Variants in COLEC12 observed in about 807,000 individuals in gnomAD.
COLEC12 encodes the protein collectin subfamily member 12, also known as collectin-12.
COLEC12 carries 33 observed loss-of-function variants against 71.1 expected under a neutral mutation model. The ratio of observed to expected loss-of-function variants is 0.46; its 90% CI spans 0.35 to 0.62. The LOEUF (loss-of-function observed/expected upper bound fraction) is 0.62, where lower values mean the gene tolerates loss of function less well. Among genes scored for constraint, COLEC12 ranks in the 20% least tolerant of loss-of-function variants. COLEC12 has a pLI of 0.00. For missense variants in COLEC12, 765 were observed against 916.1 expected, an observed-to-expected ratio of 0.84 and a Z score of 2.13; for synonymous variants, 350 against 353.0, an observed-to-expected ratio of 0.99 and a Z score of 0.10.
rs140554322 is a variant in COLEC12, at chr18:426,784, T to A, written c.58+53923A>T. On this transcript the variant is annotated intron_variant, in intron 2 of 9. Coordinates refer to ENST00000400256, the MANE Select transcript of COLEC12 (RefSeq NM_130386.3). ...TACGTGCATTTATTTCTTTCAACAA[T>A]CATAAGGCAAGCACTCTTGTAGCCA... 2.3e-3 allele frequency among the ~76,000 whole-genome samples: 343 copies of A among 152,238 alleles called. 1 individual carries two copies. Among genetic ancestry groups the A allele is most frequent in the African/African-American group, 6.5e-3 (269 of 41,544 alleles).
chr18:382,981 T>C (rs1411889684), intron 2 of COLEC12, among the ~76,000 whole-genome samples: 1 of 152,188 alleles, frequency 6.6e-6, no homozygotes, highest in Non-Finnish European at 1.5e-5. Flanking sequence ...AATGATTTTT[T>C]GGGGTGTCAT....
intron 2 of COLEC12, among the ~76,000 whole-genome samples, chr18:479,938 C>T (rs1341450415): frequency 6.6e-6 from 1 of 152,252 alleles, no homozygotes; most frequent in Non-Finnish European, 1.5e-5. Flanking sequence ...CCTCCTGAGG[C>T]TCTGAAGGAA....
intron 2 of COLEC12, among the ~76,000 whole-genome samples, chr18:440,560 A>G (rs562056164): frequency 1.7e-3 from 260 of 152,338 alleles, no homozygotes; most frequent in African/African-American, 5.9e-3. Context: ...TTTGGAGAAT[A>G]GCACATATAG....
At chr18:352,919 A>G (rs1211748456) in intron 3 of COLEC12, among the ~76,000 whole-genome samples, 2 of 152,222 alleles carry the variant, frequency 1.3e-5, no homozygotes, top group East Asian at 3.8e-4. Flanking sequence ...GGTGACCAGC[A>G]GTCTGGTTTC....
At chr18:403,783 C>G (rs991582559) in intron 2 of COLEC12, among the ~76,000 whole-genome samples, 1 of 151,604 alleles carries the variant, frequency 6.6e-6, no homozygotes, top group Non-Finnish European at 1.5e-5. Context: ...TACAATATCT[C>G]CATAGCCAAT....
chr18:324,465 G>A (rs1416092828), intron 8 of COLEC12, among the ~76,000 whole-genome samples: 2 of 151,114 alleles, frequency 1.3e-5, no homozygotes, highest in Non-Finnish European at 2.9e-5. Context: ...TGCTTGGACT[G>A]ATTGCTCCAG....
In COLEC12 at chr18:500,373, G is replaced by A. The variant is rs1036450795; in HGVS notation, c.7+135C>T. 3 of 559,126 alleles carry A rather than the reference G, an allele frequency of 5.4e-6. No individual in the cohort carries two copies. The highest frequency in any genetic ancestry group is 7.9e-6 in the Non-Finnish European group (3 of 381,326). The allele number at this position is 559,126 out of a possible 1,614,324, so 34.6% of individuals were successfully genotyped here. On this transcript the variant is annotated intron_variant, in intron 1 of 9. Transcript: ENST00000400256. The surrounding 1 kb of genome is among the most constrained non-coding windows in gnomAD (Gnocchi z 5.3). ...GCCCCCAGTGTCCGCGCACGAACCC[G>A]GCGCCCTGGCAGCCCCGACTCCCCG...
In COLEC12 at chr18:318,647, T is replaced by G. The variant is rs537246082; in HGVS notation, c.*1398A>C. The G allele has an allele frequency of 1.3e-5, 2 of 151,990 alleles. No individual in the cohort carries two copies. Among genetic ancestry groups the G allele is most frequent in the East Asian group, 3.9e-4 (2 of 5,128 alleles). The allele number at this position is 151,990 out of a possible 1,614,324, so 9.4% of individuals were successfully genotyped here. A position where few individuals can be genotyped will look rare whatever the true frequency, so the allele number is the denominator to read the frequency against. On this transcript the variant is annotated 3_prime_UTR_variant, in exon 10 of 10. Coordinates refer to ENST00000400256, the MANE Select transcript of COLEC12 (RefSeq NM_130386.3). ...AGCTGGGATTACAGGCATGTGCCAC[T>G]ACACCCGGCTAATTTTCTTATTTTT...
At position 331,719 on chromosome 18, in the gene COLEC12, G is replaced by A. The variant is rs755512262; in HGVS notation, c.2012C>T (p.Ser671Leu). The A allele has an allele frequency of 1.9e-6, 3 of 1,614,056 alleles. No homozygotes were observed. In the South Asian group the frequency reaches 3.3e-5, roughly 18 times the overall value. Residue 671 changes from serine to leucine, a missense_variant, in exon 8 of 10, where the codon TCA becomes TTA. By Grantham distance (145) the Ser-to-Leu change is moderately radical. Coordinates refer to ENST00000400256, the MANE Select transcript of COLEC12 (RefSeq NM_130386.3). Reference sequence around the variant, plus strand: ...CCACTTCCATTCATTTTCACGCTCTGAGTCTGTGAGGCCGATCCAGTGGCT... The same window carrying A: ...CCACTTCCATTCATTTTCACGCTCTAAGTCTGTGAGGCCGATCCAGTGGCT... ...RESHWIGLTD[S>L]ERENEWKWLD... is the part of the protein sequence containing the mutation.
chr18:356,325 C>T (rs1914627809), intron 3 of COLEC12, among the ~76,000 whole-genome samples: 1 of 152,122 alleles, frequency 6.6e-6, no homozygotes, highest in Admixed American at 6.5e-5. Flanking sequence ...GGTATGGAGC[C>T]ATGCAGAAGA....
Position 408,247 on chromosome 18 carries a change from ATGATACC to A in COLEC12, c.59-50732_59-50726del, listed in dbSNP as rs1915826919. On this transcript the variant is annotated intron_variant, in intron 2 of 9. Transcript: ENST00000400256. The surrounding 1 kb of genome is among the most constrained non-coding windows in gnomAD (Gnocchi z 4.3). The stretch of plus-strand genomic sequence containing the variant: ...GTTCCTAATTGGGAAACTAGGTACA[ATGATACC>A]TGAGAAAACGTTATTAAAAGGTCAG... Among the ~76,000 whole-genome samples, 5 of 152,188 alleles carry A rather than the reference ATGATACC, an allele frequency of 3.3e-5. No homozygotes were observed. The highest frequency in any genetic ancestry group is 1.2e-4 in the African/African-American group (5 of 41,444).
intron 2 of COLEC12, among the ~76,000 whole-genome samples, chr18:405,506 T>G (rs945692887): frequency 6.6e-6 from 1 of 152,136 alleles, no homozygotes; most frequent in Non-Finnish European, 1.5e-5. Flanking sequence ...AAAATTCCTC[T>G]CTTTGTACTG....
rs1410724718 is a variant in COLEC12, at chr18:408,635, A to G, written c.59-51113T>C. ...GGAAAAAAAAAAAAGACAGGAAAAT[A>G]AAAGCATGGGAGGAAAAAGATTTAA... is the stretch of plus-strand genomic sequence containing the variant. On this transcript the variant is annotated intron_variant, in intron 2 of 9. Coordinates refer to ENST00000400256, the MANE Select transcript of COLEC12 (RefSeq NM_130386.3). The surrounding 1 kb of genome is among the most constrained non-coding windows in gnomAD (Gnocchi z 4.3). 2.0e-5 allele frequency among the ~76,000 whole-genome samples: 3 copies of G among 152,114 alleles called. No homozygotes were observed. Among genetic ancestry groups the G allele is most frequent in the Admixed American group, 1.3e-4 (2 of 15,280 alleles).
At chr18:405,463 G>A (rs113477085) in intron 2 of COLEC12, among the ~76,000 whole-genome samples, 1,742 of 152,188 alleles carry the variant, frequency 0.011, 39 homozygotes, top group African/African-American at 0.04. Flanking sequence ...CAATCCTACC[G>A]ATATGTGATG....
chr18:422,840 C>A (rs1424100074), intron 2 of COLEC12, among the ~76,000 whole-genome samples: 1 of 152,146 alleles, frequency 6.6e-6, no homozygotes, highest in African/African-American at 2.4e-5. Context: ...TATACTAATG[C>A]TCTCTTTAAA....
intron 5 of COLEC12, among the ~76,000 whole-genome samples, chr18:337,117 C>T (rs554291828): frequency 1.3e-4 from 20 of 152,196 alleles, no homozygotes; most frequent in African/African-American, 4.8e-4. Flanking sequence ...GCGATCCTCC[C>T]CCATCGGACT....
At chr18:332,951 G>C in intron 7 of COLEC12, 56 bp downstream of exon 7, 1 of 1,457,356 alleles carries the variant, frequency 6.9e-7, no homozygotes, top group Non-Finnish European at 9.2e-7. Context: ...GCAATTTCCA[G>C]ATGTAAACTA....
At chr18:455,112 A>C (rs1254551504) in intron 2 of COLEC12, among the ~76,000 whole-genome samples, 1 of 152,188 alleles carries the variant, frequency 6.6e-6, no homozygotes, top group African/African-American at 2.4e-5. Flanking sequence ...CAAGAAGGCC[A>C]GAGAGAAACA....
intron 2 of COLEC12, among the ~76,000 whole-genome samples, chr18:420,260 A>C (rs938500493): frequency 2.0e-5 from 3 of 152,216 alleles, no homozygotes; most frequent in Non-Finnish European, 4.4e-5. Context: ...TGAGATGATA[A>C]AATGTTTGAT....
Sources: gnomAD v4.1 joint callset for allele counts (sites outside exome capture counted in the v4.1 genomes callset) on GRCh38, gnomAD v4.1.1 for gene constraint, Gnocchi (gnomAD v3.1) non-coding constraint, MANE v1.5 for transcripts, NCBI Gene and HGNC (gene_info 2026-07-23, HGNC 2026-07-21) for gene names.